The following ESCO1 variants were observed in gnomAD, a reference collection of about 807,000 sequenced individuals.
ESCO1 encodes establishment of sister chromatid cohesion N-acetyltransferase 1, also known as N-acetyltransferase ESCO1.
A neutral mutation model predicts 83.5 loss-of-function variants in ESCO1; 33 were observed. The observed-to-expected ratio is 0.40, with a 90% CI of 0.30 to 0.53. ESCO1 has a LOEUF of 0.53. Among genes scored for constraint, ESCO1 ranks in the 20% least tolerant of loss-of-function variants. The pLI, the probability that ESCO1 is intolerant of heterozygous loss-of-function variation, is 0.63. For missense variants in ESCO1, 855 were observed against 968.0 expected (o/e 0.88, Z 1.55); for synonymous variants, 332 against 324.3 (o/e 1.02, Z -0.25).
intron 4 of ESCO1, among the ~76,000 whole-genome samples, chr18:21,570,923 G>A (rs1407121527): frequency 6.6e-6 from 1 of 150,698 alleles, no homozygotes; most frequent in East Asian, 2.0e-4. Context: ...CCTGCAGTGA[G>A]CCGAGATGCA....
At chr18:21,584,876 A>C (rs1278061223) in intron 1 of ESCO1, among the ~76,000 whole-genome samples, 1 of 152,088 alleles carries the variant, frequency 6.6e-6, no homozygotes, top group Non-Finnish European at 1.5e-5. Flanking sequence ...GCAAAACATT[A>C]CACAACTGCT....
intron 1 of ESCO1, among the ~76,000 whole-genome samples, chr18:21,595,146 C>T (rs964971440): frequency 6.6e-6 from 1 of 151,880 alleles, no homozygotes; most frequent in South Asian, 2.1e-4. Flanking sequence ...AACCACCATG[C>T]CTAGCCTATG....
intron 9 of ESCO1, among the ~76,000 whole-genome samples, chr18:21,537,825 G>A (rs1384515914): frequency 2.6e-5 from 4 of 152,098 alleles, no homozygotes; most frequent in Non-Finnish European, 5.9e-5. Context: ...TGAATAGCTG[G>A]AATTCCAAAA....
At chr18:21,577,791 G>A (rs1422084816) in intron 2 of ESCO1, among the ~76,000 whole-genome samples, 1 of 152,112 alleles carries the variant, frequency 6.6e-6, no homozygotes, top group Non-Finnish European at 1.5e-5. Flanking sequence ...CACAGTTGAG[G>A]ATGGAAGTAT....
intron 1 of ESCO1, among the ~76,000 whole-genome samples, chr18:21,594,020 G>A (rs1264195117): frequency 6.6e-6 from 1 of 152,118 alleles, no homozygotes; most frequent in African/African-American, 2.4e-5. Context: ...CCCGTGCATG[G>A]AGGAGCAGCA....
At chr18:21,595,013 G>A (rs1050908370) in intron 1 of ESCO1, among the ~76,000 whole-genome samples, 4 of 148,878 alleles carry the variant, frequency 2.7e-5, no homozygotes, top group African/African-American at 1.0e-4. Context: ...ACCATGTCTG[G>A]CTAGTGTTTT....
chr18:21,541,270 TA>T (rs940599517), intron 8 of ESCO1, among the ~76,000 whole-genome samples: 4 of 152,052 alleles, frequency 2.6e-5, no homozygotes, highest in Admixed American at 6.6e-5. Flanking sequence ...TCTAAGAAAC[TA>T]AATCTGTAGT....
At chr18:21,551,197 G>A (rs1256117403) in intron 8 of ESCO1, among the ~76,000 whole-genome samples, 4 of 151,710 alleles carry the variant, frequency 2.6e-5, no homozygotes, top group East Asian at 3.9e-4. Context: ...CAGGCCGGGC[G>A]CAGTGGCTCA....
chr18:21,542,025 C>T (rs1254612833), intron 8 of ESCO1, among the ~76,000 whole-genome samples: 4 of 151,938 alleles, frequency 2.6e-5, no homozygotes, highest in Admixed American at 6.6e-5. Flanking sequence ...ATGTTCATGC[C>T]GAAATTTTTA....
At chr18:21,596,189 G>C (rs151028149) in intron 1 of ESCO1, among the ~76,000 whole-genome samples, 5 of 151,006 alleles carry the variant, frequency 3.3e-5, no homozygotes, top group Non-Finnish European at 7.4e-5. Context: ...AGGAATTTGA[G>C]ACCAGCCTGG....
chr18:21,585,313 G>A (rs1007048894), intron 1 of ESCO1, among the ~76,000 whole-genome samples: 5 of 151,960 alleles, frequency 3.3e-5, no homozygotes, highest in African/African-American at 4.8e-5. Flanking sequence ...TTTTGGCCTC[G>A]GTGGGGACAG....
intron 8 of ESCO1, among the ~76,000 whole-genome samples, chr18:21,558,632 CAGG>C (rs2038142657): frequency 6.8e-6 from 1 of 147,066 alleles, no homozygotes. Context: ...GGGAGGCTGA[CAGG>C]AGAACTGCTT....
intron 7 of ESCO1, among the ~76,000 whole-genome samples, chr18:21,562,634 C>G (rs1299301603): frequency 6.6e-6 from 1 of 150,990 alleles, no homozygotes; most frequent in Non-Finnish European, 1.5e-5. Context: ...AGCATGAGAC[C>G]CTATCTTAAA....
chr18:21,579,377 A>C (rs1408159765), intron 2 of ESCO1, among the ~76,000 whole-genome samples: 1 of 148,696 alleles, frequency 6.7e-6, no homozygotes, highest in Non-Finnish European at 1.5e-5. Flanking sequence ...CAGGAGGATG[A>C]CATGAGCTCA....
At chr18:21,598,005 G>A (rs1297062029) in intron 1 of ESCO1, among the ~76,000 whole-genome samples, 6 of 152,120 alleles carry the variant, frequency 3.9e-5, no homozygotes, top group Non-Finnish European at 8.8e-5. Context: ...TTCATTGAAT[G>A]ATCCACAGAA....
At chr18:21,553,760 G>A (rs933851073) in intron 8 of ESCO1, among the ~76,000 whole-genome samples, 2 of 151,706 alleles carry the variant, frequency 1.3e-5, no homozygotes, top group African/African-American at 4.8e-5. Flanking sequence ...GGGAGGCTGA[G>A]GCAGGAAAAT....
intron 6 of ESCO1, 75 bp from the exon 7 acceptor site, chr18:21,564,392 A>C: frequency 1.9e-6 from 2 of 1,050,930 alleles, no homozygotes; most frequent in Non-Finnish European, 2.7e-6. Context: ...AAAATAACTT[A>C]TTTTCTTTTT....
intron 8 of ESCO1, 117 bp from the exon 9 acceptor site, chr18:21,540,126 C>T (rs550175614): frequency 3.8e-5 from 35 of 931,826 alleles, no homozygotes; most frequent in Non-Finnish European, 5.2e-5. Context: ...AAATTGCAAA[C>T]ATGAAAAATA....
intron 2 of ESCO1, among the ~76,000 whole-genome samples, chr18:21,580,863 G>A (rs2038492669): frequency 6.6e-6 from 1 of 152,098 alleles, no homozygotes; most frequent in Admixed American, 6.6e-5. Context: ...GGTGGTGCAT[G>A]TCTGTAATCC....
Sources: gnomAD v4.1 joint callset for allele counts (sites outside exome capture counted in the v4.1 genomes callset) on GRCh38, gnomAD v4.1.1 for gene constraint, MANE v1.5 for transcripts, NCBI Gene and HGNC (gene_info 2026-07-23, HGNC 2026-07-21) for gene names.